PXDNL: variants seen among roughly 807,000 people sequenced by gnomAD.
PXDNL encodes probable oxidoreductase PXDNL.
A neutral mutation model predicts 150.8 loss-of-function variants in PXDNL; 145 were observed. The observed-to-expected ratio is 0.96, with a 90% CI of 0.84 to 1.10. PXDNL has a LOEUF of 1.10. Ranked by LOEUF, PXDNL falls within the 50% of genes least tolerant of loss-of-function variation. The probability of loss-of-function intolerance (pLI) is 0.00; values close to 1 mark genes in which losing one functional copy is unlikely to be tolerated. For synonymous variants in PXDNL, 757 were observed against 725.7 expected (o/e 1.04, Z -0.69); for missense variants, 2,087 against 1,873.9 (o/e 1.11, Z -2.10).
At chr8:51,749,597 G>A (rs1413568645) in intron 1 of PXDNL, among the ~76,000 whole-genome samples, 2 of 152,236 alleles carry the variant, frequency 1.3e-5, no homozygotes, top group African/African-American at 4.8e-5. Flanking sequence ...TGCTCAGCGT[G>A]AGTCAGTGAT....
At chr8:51,692,233 A>G (rs1249834268) in intron 1 of PXDNL, among the ~76,000 whole-genome samples, 2 of 152,246 alleles carry the variant, frequency 1.3e-5, no homozygotes, top group African/African-American at 4.8e-5. Flanking sequence ...ACAATATCCA[A>G]TACCAATTAG....
chr8:51,599,056 G>A (rs1813635325), intron 2 of PXDNL, among the ~76,000 whole-genome samples: 1 of 152,068 alleles, frequency 6.6e-6, no homozygotes. Context: ...AGGATCTTTT[G>A]TATATCTGTA....
At chr8:51,602,888 T>G (rs1396132931) in intron 2 of PXDNL, among the ~76,000 whole-genome samples, 1 of 151,692 alleles carries the variant, frequency 6.6e-6, no homozygotes, top group Non-Finnish European at 1.5e-5. Flanking sequence ...TTTTTCTTTA[T>G]GGCTTTGGAT....
intron 12 of PXDNL, among the ~76,000 whole-genome samples, chr8:51,431,422 C>T (rs1293797801): frequency 6.6e-6 from 1 of 152,134 alleles, no homozygotes; most frequent in Non-Finnish European, 1.5e-5. Flanking sequence ...CCCTTTATTC[C>T]ACAGCCCACT....
In PXDNL at chr8:51,576,195, C is replaced by T. The variant is rs544537474; in HGVS notation, c.308+16432G>A. The stretch of plus-strand genomic sequence containing the variant: ...TCTAACTCACATTATTAGAACACTG[C>T]TCCAAAAAAAAAAAAAAAACAAACA... On this transcript the variant is annotated intron_variant, in intron 3 of 22. Transcript: ENST00000356297. Among the ~76,000 whole-genome samples the T allele has an allele frequency of 5.2e-5, 7 of 135,024 alleles. No individual in the cohort carries two copies. The South Asian group carries it at 1.4e-3, about 27-fold the overall frequency. 88.6% of individuals were successfully genotyped at this position (135,024 alleles called of 152,430 possible).
intron 1 of PXDNL, among the ~76,000 whole-genome samples, chr8:51,711,491 A>G (rs1374311792): frequency 3.3e-5 from 5 of 152,260 alleles, no homozygotes; most frequent in Admixed American, 1.3e-4. Flanking sequence ...TCAGTTATAC[A>G]TATGGCTTGT....
intron 2 of PXDNL, among the ~76,000 whole-genome samples, chr8:51,641,014 T>C (rs528404015): frequency 4.1e-4 from 62 of 152,160 alleles, no homozygotes; most frequent in Non-Finnish European, 7.9e-4. Context: ...GAGATATAGA[T>C]CAATGGAACA....
chr8:51,600,700 T>C (rs192350748), intron 2 of PXDNL, among the ~76,000 whole-genome samples: 1,401 of 134,386 alleles, frequency 0.01, 63 homozygotes, highest in African/African-American at 0.038. Context: ...TTACATCTTA[T>C]ATAAATTATA....
intron 21 of PXDNL, among the ~76,000 whole-genome samples, chr8:51,333,054 A>C (rs1048522915): frequency 6.6e-6 from 1 of 152,210 alleles, no homozygotes; most frequent in Non-Finnish European, 1.5e-5. Flanking sequence ...TCCAAAGTTA[A>C]GATGAAGGAA....
intron 2 of PXDNL, among the ~76,000 whole-genome samples, chr8:51,635,470 A>C (rs1346767959): frequency 1.3e-5 from 2 of 152,086 alleles, no homozygotes; most frequent in African/African-American, 2.4e-5. Context: ...ATACAATTTT[A>C]AAAACTTTAG....
At chr8:51,596,593 T>C (rs2130666760) in intron 2 of PXDNL, among the ~76,000 whole-genome samples, 1 of 152,314 alleles carries the variant, frequency 6.6e-6, no homozygotes, top group South Asian at 2.1e-4. Context: ...TAATAGCCAT[T>C]CTGACTATTA....
chr8:51,599,673 T>C (rs927042741), intron 2 of PXDNL, among the ~76,000 whole-genome samples: 1 of 146,986 alleles, frequency 6.8e-6, no homozygotes, highest in East Asian at 1.9e-4. Context: ...CTTATATAAA[T>C]GATATCATTT....
chr8:51,579,423 C>A (rs532995477), intron 3 of PXDNL, among the ~76,000 whole-genome samples: 1 of 152,022 alleles, frequency 6.6e-6, no homozygotes, highest in East Asian at 1.9e-4. Context: ...ATCTGAACGG[C>A]TAAAATTAAA....
At position 51,579,483 on chromosome 8, in the gene PXDNL, A is replaced by G. The variant is rs1178402614; in HGVS notation, c.308+13144T>C. Among the ~76,000 whole-genome samples the G allele has an allele frequency of 2.0e-5, 3 of 152,074 alleles. No individual in the cohort carries two copies. In the East Asian group the frequency reaches 5.8e-4, roughly 29 times the overall value. The stretch of plus-strand genomic sequence containing the variant: ...CAGGGGTACAGAGAAACTGGATCAC[A>G]TACTGGTGAGAATATAAAATGGTAC... On this transcript the variant is annotated intron_variant, in intron 3 of 22. Coordinates refer to ENST00000356297, the MANE Select transcript of PXDNL (RefSeq NM_144651.5).
chr8:51,691,184 T>G (rs1226931232), intron 1 of PXDNL, among the ~76,000 whole-genome samples: 2 of 152,200 alleles, frequency 1.3e-5, no homozygotes, highest in African/African-American at 2.4e-5. Flanking sequence ...TTAGATCCCA[T>G]TTGTCAATTT....
chr8:51,409,602 G>C, intron 16 of PXDNL, 41 bp from the exon 17 acceptor site: 1 of 1,491,664 alleles, frequency 6.7e-7, no homozygotes, highest in Non-Finnish European at 9.0e-7. Context: ...GGGCGGGCCT[G>C]GGAGGGCGCG....
At chr8:51,499,630 A>T (rs1811140529) in intron 5 of PXDNL, 69 bp downstream of exon 5, 1 of 1,179,448 alleles carries the variant, frequency 8.5e-7, no homozygotes. Flanking sequence ...TCTCCACGGC[A>T]GTCAGATGGG....
chr8:51,552,924 C>A (rs1812523546), intron 4 of PXDNL, among the ~76,000 whole-genome samples: 1 of 152,134 alleles, frequency 6.6e-6, no homozygotes, highest in African/African-American at 2.4e-5. Flanking sequence ...GCAAATTTCC[C>A]CACAGCTGTG....
At chr8:51,808,974 A>G (rs543664012) in intron 1 of PXDNL, among the ~76,000 whole-genome samples, 1 of 152,306 alleles carries the variant, frequency 6.6e-6, no homozygotes, top group South Asian at 2.1e-4. Context: ...TGAATCCAAA[A>G]CAAATATATT....
Sources: gnomAD v4.1 joint callset for allele counts (sites outside exome capture counted in the v4.1 genomes callset) on GRCh38, gnomAD v4.1.1 for gene constraint, MANE v1.5 for transcripts, NCBI Gene and HGNC (gene_info 2026-07-23, HGNC 2026-07-21) for gene names.